The following ATP13A5 variants were observed in gnomAD, a reference collection of about 807,000 sequenced individuals.
The protein encoded by ATP13A5 is probable cation-transporting ATPase 13A5.
Under a neutral mutation model 150.2 loss-of-function variants are expected in ATP13A5, and 149 were observed. That is an observed-to-expected ratio of 0.99 (90% confidence interval 0.87 to 1.14). ATP13A5 has a LOEUF of 1.14. Among genes scored for constraint, ATP13A5 ranks in the 50% most tolerant of loss-of-function variants. The pLI is 0.00. For synonymous variants in ATP13A5, 497 were observed against 522.2 expected, an observed-to-expected ratio of 0.95 and a Z score of 0.66; for missense variants, 1,383 against 1,449.3, an observed-to-expected ratio of 0.95 and a Z score of 0.74.
chr3:193,369,670 G>A (rs1016316739), intron 1 of ATP13A5, among the ~76,000 whole-genome samples: 8 of 152,100 alleles, frequency 5.3e-5, no homozygotes, highest in African/African-American at 1.4e-4. Context: ...TGGTGTTAAT[G>A]TAAAGATACT....
chr3:193,321,814 G>A lies in ATP13A5; in HGVS notation c.1782C>T (p.Thr594=), dbSNP rs747950469. Reference sequence around the variant, plus strand: ...TCGAGGAAAATGGAAACTGGCACAAGGTGATGATGGCTTCCACTGGACTCT... The same window carrying A: ...TCGAGGAAAATGGAAACTGGCACAAAGTGATGATGGCTTCCACTGGACTCT... The part of the protein sequence containing the change: ...ASKSPVEAII[T]LCQFPFSSSL... Residue 594 remains threonine (T), a synonymous_variant, in exon 16 of 30, where the codon ACC becomes ACT. Coordinates refer to ENST00000342358, the MANE Select transcript of ATP13A5 (RefSeq NM_198505.4). 6.2e-7 allele frequency: 1 copy of A among 1,614,148 alleles called. No homozygotes were observed. Among genetic ancestry groups the A allele is most frequent in the Non-Finnish European group, 8.5e-7 (1 of 1,180,002 alleles).
At chr3:193,347,659 T>C (rs1231560462) in intron 7 of ATP13A5, among the ~76,000 whole-genome samples, 2 of 152,180 alleles carry the variant, frequency 1.3e-5, no homozygotes, top group Non-Finnish European at 1.5e-5. Context: ...CTCATTATGC[T>C]GTAGAGCTGG....
chr3:193,324,983 G>C lies in ATP13A5; in HGVS notation c.1555C>G (p.Gln519Glu). The C allele has an allele frequency of 1.9e-6, 3 of 1,613,526 alleles. No individual in the cohort carries two copies. The highest frequency in any genetic ancestry group is 2.5e-6 in the Non-Finnish European group (3 of 1,179,786). Reference protein sequence around the residue: ...FQEAHSFASGQAVPWSPLCAA... With the variant: ...FQEAHSFASGEAVPWSPLCAA... ...CACAGTGGGCTCCATGGCACAGCCT[G>C]GCCTGAGGCAAAGCTGTGGGCTTCC... The change falls in exon 14 of 30, where the codon CAG (glutamine) becomes GAG (glutamate). Residue 519 changes from glutamine to glutamate, a missense_variant. Physicochemically the swap from Gln to Glu is conservative, Grantham distance 29. This residue lies in a region of ATP13A5 where 787 missense variants were observed against 771.9 expected (regional missense o/e 1.02). Coordinates refer to ENST00000342358, the MANE Select transcript of ATP13A5 (RefSeq NM_198505.4).
At chr3:193,355,586 C>T (rs1712751897) in intron 5 of ATP13A5, among the ~76,000 whole-genome samples, 1 of 152,112 alleles carries the variant, frequency 6.6e-6, no homozygotes. Context: ...TTGTAGTTTG[C>T]AAAGAACAGA....
Position 193,335,067 on chromosome 3 carries a change from G to T in ATP13A5, c.976C>A (p.Pro326Thr). The T allele has an allele frequency of 6.2e-7, 1 of 1,613,860 alleles. No homozygotes were observed. Among genetic ancestry groups the T allele is most frequent in the Non-Finnish European group, 8.5e-7 (1 of 1,179,774 alleles). ...CAAGGCATAGTGTTCTCCATCTGGG[G>T]CAATGGTGTCTTTGTAACAGGTATA... ...ESIPVTKTPL[P>T]QMENTMPWKC... The change falls in exon 10 of 30, where the codon CCC (proline) becomes ACC (threonine). Residue 326 changes from proline to threonine, a missense_variant. This residue lies in a region of ATP13A5 where 787 missense variants were observed against 771.9 expected (regional missense o/e 1.02). Coordinates refer to ENST00000342358, the MANE Select transcript of ATP13A5 (RefSeq NM_198505.4).
intron 7 of ATP13A5, among the ~76,000 whole-genome samples, chr3:193,348,358 G>A (rs1712433908): frequency 6.6e-6 from 1 of 152,152 alleles, no homozygotes; most frequent in Non-Finnish European, 1.5e-5. Flanking sequence ...TGAGTAATGA[G>A]GGTATTAACT....
rs1236327879 is a variant in ATP13A5 at position 193,285,103 on chromosome 3, C to T, written c.3037G>A (p.Ala1013Thr). The part of the protein sequence containing the change: ...EVYQYSECFL[A>T]NQSNFSTNVS... The stretch of plus-strand genomic sequence containing the variant: ...TTTGTTGAAAAATTACTTTGGTTGG[C>T]CAGAAAACACTCACTACAAAAGAAT... Residue 1013 changes from alanine to threonine, a missense_variant, in exon 27 of 30, where the codon GCC becomes ACC. Ala to Thr is a moderately conservative substitution (Grantham distance 58, BLOSUM62 0). Transcript: ENST00000342358. 2 of 1,613,396 alleles carry T rather than the reference C, an allele frequency of 1.2e-6. No homozygotes were observed. Among genetic ancestry groups the T allele is most frequent in the South Asian group, 2.2e-5 (2 of 90,976 alleles).
rs1333149932 is a variant in ATP13A5 at position 193,351,100 on chromosome 3, G to A, written c.708C>T (p.Ile236=). The change falls in exon 7 of 30, where the codon ATC becomes ATT. Residue 236 remains isoleucine, a synonymous_variant. Coordinates refer to ENST00000342358, the MANE Select transcript of ATP13A5 (RefSeq NM_198505.4). ...YSVAIIILTV[I]SIVLSVYDLR... ...AATCATACACACTTAAGACAATGGA[G>A]ATAACAGTCAAAATGATGATGGCCA... 16 of 1,613,682 alleles carry A rather than the reference G, an allele frequency of 9.9e-6. No homozygotes were observed. Among genetic ancestry groups the A allele is most frequent in the Non-Finnish European group, 1.3e-5 (15 of 1,179,700 alleles).
chr3:193,289,801 A>G (rs1717873412), intron 26 of ATP13A5, 84 bp downstream of exon 26: 1 of 1,326,134 alleles, frequency 7.5e-7, no homozygotes, highest in Non-Finnish European at 1.0e-6. Context: ...AAGTTTTAGG[A>G]TATATGTTCA....
At position 193,305,542 on chromosome 3, in the gene ATP13A5, A is replaced by G; in HGVS notation, c.2678+17T>C. On this transcript the variant is annotated intron_variant, in intron 23 of 29. Transcript: ENST00000342358. ...GGCCCATTGATTGTAGGGCTGGAAG[A>G]GGAAAAAATGACTTACCTGATGAGA... is the stretch of plus-strand genomic sequence containing the variant. The G allele has an allele frequency of 6.3e-7, 1 of 1,597,614 alleles. No individual in the cohort carries two copies. Among genetic ancestry groups the G allele is most frequent in the Non-Finnish European group, 8.6e-7 (1 of 1,165,214 alleles).
At chr3:193,346,831 T>C (rs1374483184) in intron 7 of ATP13A5, among the ~76,000 whole-genome samples, 1 of 152,164 alleles carries the variant, frequency 6.6e-6, no homozygotes, top group East Asian at 1.9e-4. Context: ...TAGTACTGTT[T>C]AGTGCATATT....
chr3:193,318,869 C>T, intron 17 of ATP13A5, 122 bp downstream of exon 17: 1 of 720,852 alleles, frequency 1.4e-6, no homozygotes, highest in Non-Finnish European at 2.4e-6. Context: ...GGGGACTGTA[C>T]AAGATTAATT....
chr3:193,314,404 C>T, intron 18 of ATP13A5: 2 of 512,434 alleles, frequency 3.9e-6, no homozygotes, highest in Non-Finnish European at 6.9e-6. Flanking sequence ...TATCCTGGTC[C>T]ATGTGTATTT....
chr3:193,373,343 C>A (rs965139275), intron 1 of ATP13A5, among the ~76,000 whole-genome samples: 1 of 152,022 alleles, frequency 6.6e-6, no homozygotes, highest in Admixed American at 6.6e-5. Context: ...GGGATTTTGT[C>A]ATGTTGGCCA....
At chr3:193,324,267 GGT>G (rs1375264701) in intron 14 of ATP13A5, among the ~76,000 whole-genome samples, 1 of 152,012 alleles carries the variant, frequency 6.6e-6, no homozygotes, top group Non-Finnish European at 1.5e-5. Flanking sequence ...CCTCCAGTTT[GGT>G]GTCTAGACTT....
At chr3:193,328,495 G>T (rs1711507820) in intron 12 of ATP13A5, among the ~76,000 whole-genome samples, 2 of 152,290 alleles carry the variant, frequency 1.3e-5, no homozygotes, top group African/African-American at 4.8e-5. Context: ...TCCTGATGAT[G>T]TTTTTAAACA....
At chr3:193,338,117 T>C (rs1227702664) in intron 9 of ATP13A5, among the ~76,000 whole-genome samples, 1 of 152,214 alleles carries the variant, frequency 6.6e-6, no homozygotes, top group African/African-American at 2.4e-5. Flanking sequence ...GCTTATCAGC[T>C]TAAGGAGATT....
chr3:193,337,827 T>C (rs1308692628), intron 9 of ATP13A5, among the ~76,000 whole-genome samples: 2 of 152,350 alleles, frequency 1.3e-5, no homozygotes, highest in Admixed American at 6.5e-5. Flanking sequence ...TTGGGCAGTA[T>C]GGCCATTTTC....
chr3:193,363,532 C>A, intron 2 of ATP13A5, 150 bp from the exon 3 acceptor site: 2 of 701,582 alleles, frequency 2.9e-6, no homozygotes, highest in South Asian at 4.6e-5. Context: ...AATTCTCAGC[C>A]CCACTTCAGA....
Sources: gnomAD v4.1 joint callset for allele counts (sites outside exome capture counted in the v4.1 genomes callset) on GRCh38, gnomAD v4.1.1 for gene constraint, gnomAD v4.1.1 regional missense constraint, MANE v1.5 for transcripts, NCBI Gene and HGNC (gene_info 2026-07-23, HGNC 2026-07-21) for gene names.